The following ZNF793 variants were observed in gnomAD, a reference collection of about 807,000 sequenced individuals.
ZNF793 encodes zinc finger protein 793.
ZNF793 carries 5 observed loss-of-function variants against 12.4 expected under a neutral mutation model. The ratio of observed to expected loss-of-function variants is 0.40; its 90% CI spans 0.21 to 0.84. ZNF793 has a LOEUF of 0.84. ZNF793 is among the 40% of genes least tolerant of loss of function. The pLI is 0.35. For missense variants in ZNF793, 456 were observed against 495.0 expected (o/e 0.92, Z 0.75); for synonymous variants, 162 against 172.4 (o/e 0.94, Z 0.47).
At position 37,541,077 on chromosome 19, in the gene ZNF793, G is replaced by A. The variant is rs1174965394; in HGVS notation, c.*3198G>A. 1.3e-5 allele frequency: 2 copies of A among 151,838 alleles called. No homozygotes were observed. Among genetic ancestry groups the A allele is most frequent in the Non-Finnish European group, 2.9e-5 (2 of 67,988 alleles). 9.4% of individuals were successfully genotyped at this position (151,838 alleles called of 1,614,324 possible). ...AAAGGAACAGGTAAATACATCATTA[G>A]AACACAGTAGAAAATTCAGAAATAG... On this transcript the variant is annotated 3_prime_UTR_variant, in exon 8 of 8. Transcript: ENST00000627814.
intron 2 of ZNF793, among the ~76,000 whole-genome samples, chr19:37,514,575 C>CAGACAGAT (rs2042316298): frequency 2.0e-5 from 3 of 149,164 alleles, no homozygotes; most frequent in Admixed American, 6.8e-5. Flanking sequence ...GATAGATAGA[C>CAGACAGAT]AGATAGATAG....
chr19:37,528,680 T>C (rs190296844), intron 5 of ZNF793, among the ~76,000 whole-genome samples: 37 of 152,302 alleles, frequency 2.4e-4, no homozygotes, highest in Admixed American at 7.2e-4. Context: ...TCACAACTTA[T>C]GCTGGCATCT....
At chr19:37,515,409 G>A (rs8107942) in intron 2 of ZNF793, among the ~76,000 whole-genome samples, 3,297 of 151,660 alleles carry the variant, frequency 0.022, 130 homozygotes, top group African/African-American at 0.073. Context: ...CCGGGTCCAC[G>A]CCATTCTCCT....
At chr19:37,524,644 C>T (rs761572176) in intron 5 of ZNF793, among the ~76,000 whole-genome samples, 3 of 152,156 alleles carry the variant, frequency 2.0e-5, no homozygotes, top group Admixed American at 6.5e-5. Flanking sequence ...TTTTCCAAGA[C>T]GCCTTCTTAG....
At position 37,537,151 on chromosome 19, in the gene ZNF793, G is replaced by C. The variant is rs1254584616; in HGVS notation, c.493G>C (p.Glu165Gln). 4 of 1,613,388 alleles carry C rather than the reference G, an allele frequency of 2.5e-6. No individual in the cohort carries two copies. Among genetic ancestry groups the C allele is most frequent in the Non-Finnish European group, 3.4e-6 (4 of 1,179,618 alleles). Residue 165 changes from glutamate to glutamine, a missense_variant, in exon 8 of 8, where the codon GAG becomes CAG. By Grantham distance (29) the Glu-to-Gln change is conservative (BLOSUM62 2). Transcript: ENST00000627814. Reference protein sequence around the residue: ...FKRNCAKKQDECYAYGKLLQR... With the variant: ...FKRNCAKKQDQCYAYGKLLQR... ...GAGAAACTGTGCAAAAAAGCAAGAT[G>C]AGTGTTATGCTTATGGGAAATTGCT...
At chr19:37,519,801 G>T (rs1232779987) in intron 2 of ZNF793, among the ~76,000 whole-genome samples, 1 of 152,208 alleles carries the variant, frequency 6.6e-6, no homozygotes, top group Non-Finnish European at 1.5e-5. Flanking sequence ...GATAGACTAA[G>T]TAACTCATTC....
At chr19:37,533,467 A>C (rs2042478845) in intron 7 of ZNF793, 64 bp downstream of exon 7, 1 of 1,438,598 alleles carries the variant, frequency 7.0e-7, no homozygotes. Context: ...AATTTTGTTC[A>C]GCATTCTTCT....
chr19:37,508,812 C>T (rs2042271516), intron 2 of ZNF793, among the ~76,000 whole-genome samples: 2 of 152,142 alleles, frequency 1.3e-5, no homozygotes, highest in South Asian at 2.1e-4. Context: ...TATCTAGGCT[C>T]AACTTAAATT....
rs140802663 is a variant in ZNF793 at position 37,534,255 on chromosome 19, A to G, written c.238+852A>G. On this transcript the variant is annotated intron_variant, in intron 7 of 7. Transcript: ENST00000627814. Reference sequence around the variant, plus strand: ...AACAATTGCATTTTCTGTTTTCCATAACTTGGTTCTCTTTCCAGTGGTGTA... The same window carrying G: ...AACAATTGCATTTTCTGTTTTCCATGACTTGGTTCTCTTTCCAGTGGTGTA... The G allele has an allele frequency of 3.3e-5, 5 of 152,144 alleles. No individual in the cohort carries two copies. In the East Asian group the frequency reaches 9.7e-4, roughly 29 times the overall value. The allele number at this position is 152,144 out of a possible 1,614,324, so 9.4% of individuals were successfully genotyped here.
rs776799325 is a variant in ZNF793, at chr19:37,536,958, C to G, written c.300C>G (p.Gly100=). The change falls in exon 8 of 8, where the codon GGC becomes GGG. Residue 100 remains glycine (G), a synonymous_variant. Coordinates refer to ENST00000627814, the MANE Select transcript of ZNF793 (RefSeq NM_001013659.3). Reference sequence around the variant, plus strand: ...GGCAAGACATGCTTTTGAGGCCAGGCGCAGCCATAAGCAAGAAAACATTGC... The same window carrying G: ...GGCAAGACATGCTTTTGAGGCCAGGGGCAGCCATAAGCAAGAAAACATTGC... ...KRRQDMLLRP[G]AAISKKTLPK... The G allele has an allele frequency of 6.2e-7, 1 of 1,613,528 alleles. No individual in the cohort carries two copies. The highest frequency in any genetic ancestry group is 1.3e-5 in the African/African-American group (1 of 74,898).
chr19:37,529,680 G>A (rs914456847), intron 5 of ZNF793, among the ~76,000 whole-genome samples: 3 of 151,944 alleles, frequency 2.0e-5, no homozygotes, highest in African/African-American at 7.3e-5. Context: ...TTTAGTAGAG[G>A]TAGGATTTTG....
chr19:37,540,565 A>ATTTTTTTT lies in ZNF793; in HGVS notation c.*2687_*2694dup, dbSNP rs1022800646. 2.2e-5 allele frequency: 2 copies of ATTTTTTTT among 92,956 alleles called. No individual in the cohort carries two copies. Among genetic ancestry groups the ATTTTTTTT allele is most frequent in the Non-Finnish European group, 6.3e-5 (2 of 31,710 alleles). The allele number at this position is 92,956 out of a possible 1,614,324, so 5.8% of individuals were successfully genotyped here. On this transcript the variant is annotated 3_prime_UTR_variant, in exon 8 of 8. Coordinates refer to ENST00000627814, the MANE Select transcript of ZNF793 (RefSeq NM_001013659.3). ...CTTAAAGCGGTTTTTCTTAAAAAAA[A>ATTTTTTTT]TTTTTTTTAACCCAAACCCCAAAGC...
chr19:37,527,738 G>A (rs1334814534), intron 5 of ZNF793, among the ~76,000 whole-genome samples: 1 of 152,104 alleles, frequency 6.6e-6, no homozygotes, highest in Non-Finnish European at 1.5e-5. Context: ...AAACACTTTT[G>A]GGTTTTCTAA....
At chr19:37,529,539 G>T (rs1349704179) in intron 5 of ZNF793, among the ~76,000 whole-genome samples, 1 of 152,018 alleles carries the variant, frequency 6.6e-6, no homozygotes, top group African/African-American at 2.4e-5. Flanking sequence ...ATCACCCAGG[G>T]TAGAGTACAG....
chr19:37,527,584 G>A (rs2042426074), intron 5 of ZNF793, among the ~76,000 whole-genome samples: 1 of 152,072 alleles, frequency 6.6e-6, no homozygotes, highest in Admixed American at 6.6e-5. Flanking sequence ...GTTTTCCCAG[G>A]GTAGGCTGAG....
At chr19:37,527,066 G>T (rs1184968815) in intron 5 of ZNF793, among the ~76,000 whole-genome samples, 1 of 152,160 alleles carries the variant, frequency 6.6e-6, no homozygotes, top group African/African-American at 2.4e-5. Flanking sequence ...TCCTGCCTCA[G>T]CCTCCTGAGT....
Position 37,540,725 on chromosome 19 carries a change from G to T in ZNF793, c.*2846G>T, listed in dbSNP as rs1227162156. 1 of 151,844 alleles carries T rather than the reference G, an allele frequency of 6.6e-6. No homozygotes were observed. The highest frequency in any genetic ancestry group is 1.5e-5 in the Non-Finnish European group (1 of 67,952). 9.4% of individuals were successfully genotyped at this position (151,844 alleles called of 1,614,324 possible). A position where few individuals can be genotyped will look rare whatever the true frequency, so the allele number is the denominator to read the frequency against. On this transcript the variant is annotated 3_prime_UTR_variant, in exon 8 of 8. Coordinates refer to ENST00000627814, the MANE Select transcript of ZNF793 (RefSeq NM_001013659.3). ...AACTATCCATTTTTACTGATGATAT[G>T]GTTGTACACCAATAAATGAAAAGAC...
chr19:37,523,358 C>T, intron 4 of ZNF793, 52 bp from the exon 5 acceptor site: 4 of 1,420,228 alleles, frequency 2.8e-6, no homozygotes, highest in Non-Finnish European at 4.0e-6. Flanking sequence ...GCTCTTTACA[C>T]TCTGTTCTCT....
Position 37,538,083 on chromosome 19 carries a change from T to G in ZNF793, c.*204T>G. On this transcript the variant is annotated 3_prime_UTR_variant, in exon 8 of 8. Coordinates refer to ENST00000627814, the MANE Select transcript of ZNF793 (RefSeq NM_001013659.3). ...CCCACCACCATGCCCGGCTAATTTT[T>G]TTTTTGTATTTTTAGTAGAGACGGG... 4.0e-6 allele frequency: 2 copies of G among 506,262 alleles called. No homozygotes were observed. The highest frequency in any genetic ancestry group is 6.7e-6 in the Non-Finnish European group (2 of 296,636). 31.4% of individuals were successfully genotyped at this position (506,262 alleles called of 1,614,324 possible).
Sources: allele counts gnomAD v4.1 joint callset (sites outside exome capture counted in the v4.1 genomes callset), GRCh38; gene constraint gnomAD v4.1.1; transcripts MANE v1.5; gene names NCBI Gene and HGNC (gene_info 2026-07-23, HGNC 2026-07-21).